The following BPTF variants were observed in gnomAD, a reference collection of about 807,000 sequenced individuals.
BPTF encodes the protein bromodomain PHD finger transcription factor.
A neutral mutation model predicts 292.5 loss-of-function variants in BPTF; 18 were observed. That is an observed-to-expected ratio of 0.06 (90% CI 0.04 to 0.09). BPTF has a LOEUF of 0.09. Ranked by LOEUF, BPTF falls within the 10% of genes least tolerant of loss-of-function variation. The probability of loss-of-function intolerance (pLI) is 1.00; values close to 1 mark genes in which losing one functional copy is unlikely to be tolerated. For synonymous variants in BPTF, 1,225 were observed against 1,251.9 expected (o/e 0.98, Z 0.45); for missense variants, 2,726 against 3,498.7 (o/e 0.78, Z 5.57).
At chr17:67,884,516 A>G (rs907940916) in intron 4 of BPTF, among the ~76,000 whole-genome samples, 3 of 151,944 alleles carry the variant, frequency 2.0e-5, no homozygotes, top group Admixed American at 6.6e-5. Context: ...CTTGGGTTCA[A>G]ATGATCTTCC....
At chr17:67,847,682 A>G (rs1481918206) in intron 1 of BPTF, among the ~76,000 whole-genome samples, 5 of 151,926 alleles carry the variant, frequency 3.3e-5, no homozygotes, top group Non-Finnish European at 7.4e-5. Flanking sequence ...CTCAAAAAAA[A>G]AAAAAAAAAG....
At position 67,913,104 on chromosome 17, in the gene BPTF, C is replaced by T; in HGVS notation, c.5220C>T (p.Val1740=). 6.2e-7 allele frequency: 1 copy of T among 1,614,094 alleles called. No homozygotes were observed. The highest frequency in any genetic ancestry group is 8.5e-7 in the Non-Finnish European group (1 of 1,180,016). ...KLARKGGIRE[V]PYFNYNAKPA... is the part of the protein sequence containing the mutation. ...CCCGAAAAGGAGGAATCCGAGAGGTCCCTTATTTTAATTACAATGCAAAAC... is the reference window on the plus strand; with the variant it reads ...CCCGAAAAGGAGGAATCCGAGAGGTTCCTTATTTTAATTACAATGCAAAAC... Residue 1740 remains valine (V), a synonymous_variant, in exon 11 of 28, where the codon GTC becomes GTT. Transcript: ENST00000306378.
intron 23 of BPTF, among the ~76,000 whole-genome samples, chr17:67,953,956 CTTTTCTTTTTTTTTTTTTTTTTTTTT>C (rs1393292841): frequency 3.8e-5 from 2 of 53,322 alleles, no homozygotes; most frequent in African/African-American, 1.5e-4. Flanking sequence ...TTTTTCTTTT[CTTTTCTTTTTTTTTTTTTTTTTTTTT>C]TTTTTTTTTT....
At chr17:67,913,466 G>C (rs923710080) in intron 11 of BPTF, among the ~76,000 whole-genome samples, 11 of 152,196 alleles carry the variant, frequency 7.2e-5, no homozygotes, top group African/African-American at 2.7e-4. Flanking sequence ...GAACATGTCA[G>C]ATGTGATTGT....
At chr17:67,887,766 C>T (rs2060839097) in intron 4 of BPTF, among the ~76,000 whole-genome samples, 1 of 152,222 alleles carries the variant, frequency 6.6e-6, no homozygotes, top group African/African-American at 2.4e-5. Flanking sequence ...CTCTCTCTCT[C>T]ACCTTTTAGG....
rs146795207 is a variant in BPTF at position 67,893,612 on chromosome 17, C to T, written c.2298C>T (p.Asn766=). ...CLTPAGEFKW[N]GSVHGSKVLT... ...CTCCAGCAGGAGAGTTCAAATGGAA[C>T]GGTTCTGTCCATGGGTCCAAAGTTC... The change falls in exon 6 of 28, where the codon AAC becomes AAT. Residue 766 remains asparagine (N), a synonymous_variant. Coordinates refer to ENST00000306378, the MANE Select transcript of BPTF (RefSeq NM_182641.4). 39 of 1,610,780 alleles carry T rather than the reference C, an allele frequency of 2.4e-5. No homozygotes were observed. The highest frequency in any genetic ancestry group is 1.2e-4 in the South Asian group (11 of 91,012).
intron 4 of BPTF, among the ~76,000 whole-genome samples, chr17:67,878,031 A>G (rs1350713149): frequency 6.6e-6 from 1 of 152,214 alleles, no homozygotes; most frequent in Admixed American, 6.5e-5. Context: ...GTGTTACCAT[A>G]TCGTGCCCCC....
intron 1 of BPTF, among the ~76,000 whole-genome samples, chr17:67,846,560 C>A (rs1598206210): frequency 6.6e-6 from 1 of 152,304 alleles, no homozygotes; most frequent in South Asian, 2.1e-4. Flanking sequence ...GATTTGTCTC[C>A]TTTATCTGTC....
At chr17:67,879,453 T>C (rs1415497724) in intron 4 of BPTF, among the ~76,000 whole-genome samples, 1 of 152,218 alleles carries the variant, frequency 6.6e-6, no homozygotes, top group Non-Finnish European at 1.5e-5. Flanking sequence ...GCTGGTGTTA[T>C]TTCTTAAATG....
intron 21 of BPTF, among the ~76,000 whole-genome samples, chr17:67,947,355 A>G (rs1487928284): frequency 6.6e-6 from 1 of 152,236 alleles, no homozygotes; most frequent in Non-Finnish European, 1.5e-5. Context: ...GGAAGAAAGC[A>G]TAATGTTAAA....
intron 5 of BPTF, among the ~76,000 whole-genome samples, 191 bp downstream of exon 5, chr17:67,892,225 C>T (rs2061165174): frequency 6.6e-6 from 1 of 152,172 alleles, no homozygotes; most frequent in East Asian, 1.9e-4. Flanking sequence ...GTTGCGTACC[C>T]AAATTTCAGT....
intron 26 of BPTF, among the ~76,000 whole-genome samples, chr17:67,968,343 A>G (rs2148471592): frequency 6.6e-6 from 1 of 151,658 alleles, no homozygotes; most frequent in East Asian, 1.9e-4. Flanking sequence ...TGTTCTCCTG[A>G]TGTTGAAAAT....
At chr17:67,923,181 C>T (rs183806861) in intron 14 of BPTF, among the ~76,000 whole-genome samples, 191 bp downstream of exon 14, 4 of 151,384 alleles carry the variant, frequency 2.6e-5, no homozygotes, top group East Asian at 3.9e-4. Context: ...TCAGCCTCCC[C>T]GGTACCTAGG....
intron 11 of BPTF, among the ~76,000 whole-genome samples, chr17:67,916,850 A>G (rs1233620514): frequency 6.6e-6 from 1 of 151,832 alleles, no homozygotes; most frequent in East Asian, 1.9e-4. Context: ...TAGAAGAGGA[A>G]ATTATTTTTA....
At chr17:67,933,896 TAA>T (rs2064663421) in intron 18 of BPTF, among the ~76,000 whole-genome samples, 2 of 151,352 alleles carry the variant, frequency 1.3e-5, no homozygotes, top group African/African-American at 2.4e-5. Flanking sequence ...CCATCTCTAC[TAA>T]AAATATAAAA....
intron 3 of BPTF, among the ~76,000 whole-genome samples, chr17:67,868,589 G>A (rs1200757860): frequency 6.6e-6 from 1 of 152,182 alleles, no homozygotes; most frequent in African/African-American, 2.4e-5. Flanking sequence ...TGCCTTTTAA[G>A]TTTTAGCTTA....
rs1289285767 is a variant in BPTF, at chr17:67,959,944, AAATG to A, written c.8261+73_8261+76del. The A allele has an allele frequency of 4.1e-6, 5 of 1,217,938 alleles. No individual in the cohort carries two copies. The African/African-American group carries it at 4.6e-5, about 11-fold the overall frequency. 75.4% of individuals were successfully genotyped at this position (1,217,938 alleles called of 1,614,324 possible). On this transcript the variant is annotated intron_variant, in intron 24 of 27. Transcript: ENST00000306378. ...TAGCTATTAAATTGGATTTTGAAGAAAATGAATATTTTGGGAGTGATATAAATGA... is the reference window on the plus strand; with the variant it reads ...TAGCTATTAAATTGGATTTTGAAGAAAATATTTTGGGAGTGATATAAATGA...
intron 27 of BPTF, chr17:67,981,702 G>A: frequency 1.0e-6 from 1 of 988,208 alleles, no homozygotes; most frequent in Non-Finnish European, 1.2e-6. Flanking sequence ...ACTTAGTCCT[G>A]GTAACTGTAC....
At chr17:67,899,128 G>C (rs2061649981) in intron 7 of BPTF, among the ~76,000 whole-genome samples, 1 of 152,042 alleles carries the variant, frequency 6.6e-6, no homozygotes, top group African/African-American at 2.4e-5. Context: ...AGGGACAAGA[G>C]GAACAACAGA....
Sources: gnomAD v4.1 joint callset for allele counts (sites outside exome capture counted in the v4.1 genomes callset) on GRCh38, gnomAD v4.1.1 for gene constraint, MANE v1.5 for transcripts, NCBI Gene and HGNC (gene_info 2026-07-23, HGNC 2026-07-21) for gene names.